CRAMP1: variants seen among roughly 807,000 people sequenced by gnomAD.
The protein encoded by CRAMP1 is protein cramped-like.
A neutral mutation model predicts 115.4 loss-of-function variants in CRAMP1; 50 were observed. The observed-to-expected ratio is 0.43, with a 90% confidence interval of 0.35 to 0.55. CRAMP1 has a LOEUF of 0.55. Ranked by LOEUF, CRAMP1 falls within the 20% of genes least tolerant of loss-of-function variation. CRAMP1 has a pLI of 0.01. For synonymous variants in CRAMP1, 866 were observed against 745.4 expected (o/e 1.16, Z -2.64); for missense variants, 1,679 against 1,721.7 (o/e 0.98, Z 0.44).
intron 6 of CRAMP1, among the ~76,000 whole-genome samples, chr16:1,642,771 C>G (rs145245093): frequency 6.6e-6 from 1 of 152,366 alleles, no homozygotes; most frequent in African/African-American, 2.4e-5. Context: ...GCAAATCTTA[C>G]TTCACCTTTT....
chr16:1,667,880 A>C, intron 17 of CRAMP1, 82 bp from the exon 18 acceptor site: 12 of 852,648 alleles, frequency 1.4e-5, no homozygotes, highest in Non-Finnish European at 2.3e-5. Context: ...CCTGCAAGCT[A>C]GGAGAGTAAG....
At position 1,656,669 on chromosome 16, in the gene CRAMP1, G is replaced by A. The variant is rs766097615; in HGVS notation, c.1912G>A (p.Glu638Lys). Residue 638 changes from glutamate (E) to lysine (K), a missense_variant, in exon 10 of 21, where the codon GAG becomes AAG. Physicochemically the swap from Glu to Lys is moderately conservative, Grantham distance 56. Around this residue, in one of 8 missense-constraint regions of CRAMP1, gnomAD observed 405 missense variants for 302.6 expected, o/e 1.34. Transcript: ENST00000397412. The surrounding 1 kb of genome is among the most constrained non-coding windows in gnomAD (Gnocchi z 5.6). The part of the protein sequence containing the change: ...CTKDLADAPA[E>K]ELQEKGSPAG... ...TAAAGACTTGGCAGATGCACCTGCG[G>A]AGGAGCTCCAGGAGAAGGGGAGCCC... 1.3e-6 allele frequency: 2 copies of A among 1,572,612 alleles called. No homozygotes were observed. The highest frequency in any genetic ancestry group is 2.3e-5 in the South Asian group (2 of 85,658).
intron 4 of CRAMP1, among the ~76,000 whole-genome samples, chr16:1,636,311 C>T (rs889354990): frequency 7.3e-5 from 11 of 151,358 alleles, no homozygotes; most frequent in African/African-American, 2.7e-4. Flanking sequence ...GCGGAGGTTG[C>T]AGTGAGCTGA....
At chr16:1,638,135 G>C (rs534369479) in intron 5 of CRAMP1, among the ~76,000 whole-genome samples, 1 of 152,102 alleles carries the variant, frequency 6.6e-6, no homozygotes, top group African/African-American at 2.4e-5. Flanking sequence ...ACATGCTCGC[G>C]TGCACACATG....
At chr16:1,646,349 C>T (rs1374241170) in intron 6 of CRAMP1, among the ~76,000 whole-genome samples, 1 of 152,134 alleles carries the variant, frequency 6.6e-6, no homozygotes, top group African/African-American at 2.4e-5. Context: ...GCAGTTGCTT[C>T]CCACACTCCC....
intron 6 of CRAMP1, among the ~76,000 whole-genome samples, chr16:1,647,730 CAG>C (rs1035209484): frequency 1.6e-5 from 2 of 124,606 alleles, no homozygotes; most frequent in Non-Finnish European, 3.2e-5. Flanking sequence ...GCCTGGGCGA[CAG>C]AGTGAGACTC....
intron 6 of CRAMP1, among the ~76,000 whole-genome samples, chr16:1,643,013 G>A (rs565493019): frequency 3.3e-5 from 5 of 152,362 alleles, no homozygotes; most frequent in African/African-American, 1.2e-4. Context: ...AGGGACTGGA[G>A]ACACTTGACA....
chr16:1,664,084 G>A (rs902417623), intron 13 of CRAMP1, among the ~76,000 whole-genome samples: 12 of 152,178 alleles, frequency 7.9e-5, no homozygotes, highest in African/African-American at 2.9e-4. Flanking sequence ...TCTCTCCGAC[G>A]CCAGTGTCCT....
rs544365641 is a variant in CRAMP1 at position 1,666,226 on chromosome 16, A to G, written c.2857+49A>G. ...CAGCCACTGAGTGAGCCTCTGAGGGATGTTTTTGTGACCAGGTTTTTTGAA... is the reference window on the plus strand; with the variant it reads ...CAGCCACTGAGTGAGCCTCTGAGGGGTGTTTTTGTGACCAGGTTTTTTGAA... On this transcript the variant is annotated intron_variant, in intron 15 of 20. Transcript: ENST00000397412. The surrounding 1 kb of genome is among the most constrained non-coding windows in gnomAD (Gnocchi z 5.0). The G allele has an allele frequency of 7.3e-7, 1 of 1,374,952 alleles. No individual in the cohort carries two copies. Among genetic ancestry groups the G allele is most frequent in the Non-Finnish European group, 1.0e-6 (1 of 981,514 alleles). The allele number at this position is 1,374,952 out of a possible 1,614,324, so 85.2% of individuals were successfully genotyped here.
chr16:1,642,026 G>A (rs1446719656), intron 6 of CRAMP1, among the ~76,000 whole-genome samples: 2 of 152,082 alleles, frequency 1.3e-5, no homozygotes, highest in South Asian at 2.1e-4. Context: ...CATCCATCCC[G>A]CCCACTGACC....
intron 14 of CRAMP1, 52 bp downstream of exon 14, chr16:1,665,190 G>T: frequency 8.3e-7 from 1 of 1,207,042 alleles, no homozygotes; most frequent in South Asian, 1.2e-5. Context: ...CTCACAGGAG[G>T]GCCTTGGCTT....
At position 1,666,334 on chromosome 16, in the gene CRAMP1, C is replaced by T. The variant is rs896064257; in HGVS notation, c.2858-88C>T. On this transcript the variant is annotated intron_variant, in intron 15 of 20. Coordinates refer to ENST00000397412, the MANE Select transcript of CRAMP1 (RefSeq NM_020825.4). The surrounding 1 kb of genome is among the most constrained non-coding windows in gnomAD (Gnocchi z 5.0). ...TTGGCTCTTGCATTGACATGAGGTGCGAGGGAGAAGCTGTTCCCCGAGCCC... is the reference window on the plus strand; with the variant it reads ...TTGGCTCTTGCATTGACATGAGGTGTGAGGGAGAAGCTGTTCCCCGAGCCC... 45 of 1,326,086 alleles carry T rather than the reference C, an allele frequency of 3.4e-5. No homozygotes were observed. In the Middle Eastern group the frequency reaches 9.0e-4, roughly 27 times the overall value. 82.1% of individuals were successfully genotyped at this position (1,326,086 alleles called of 1,614,324 possible). A position where few individuals can be genotyped will look rare whatever the true frequency, so the allele number is the denominator to read the frequency against.
Position 1,614,954 on chromosome 16 carries a change from C to T in CRAMP1, c.315C>T (p.Gly105=). 1 of 1,264,386 alleles carries T rather than the reference C, an allele frequency of 7.9e-7. No homozygotes were observed. 78.3% of individuals were successfully genotyped at this position (1,264,386 alleles called of 1,614,324 possible). The part of the protein sequence containing the change: ...RKDPPSAVGS[G]NAGGSGPRGK... ...ATCCTCCGAGCGCTGTGGGGAGCGGCAACGCCGGTGGCTCGGGGCCCCGCG... is the reference window on the plus strand; with the variant it reads ...ATCCTCCGAGCGCTGTGGGGAGCGGTAACGCCGGTGGCTCGGGGCCCCGCG... The change falls in exon 2 of 21, where the codon GGC becomes GGT. Residue 105 remains glycine (G), a synonymous_variant. Coordinates refer to ENST00000397412, the MANE Select transcript of CRAMP1 (RefSeq NM_020825.4). The surrounding 1 kb of genome is among the most constrained non-coding windows in gnomAD (Gnocchi z 4.4).
At chr16:1,648,187 C>G (rs1004136848) in intron 6 of CRAMP1, among the ~76,000 whole-genome samples, 1 of 151,954 alleles carries the variant, frequency 6.6e-6, no homozygotes, top group African/African-American at 2.4e-5. Context: ...ACACAGGTGC[C>G]ACATGACACA....
In CRAMP1 at chr16:1,677,876, A is replaced by T. The variant is rs1311992640; in HGVS notation, c.*3831A>T. 1 of 158,906 alleles carries T rather than the reference A, an allele frequency of 6.3e-6. No individual in the cohort carries two copies. The highest frequency in any genetic ancestry group is 2.4e-5 in the African/African-American group (1 of 41,740). 9.8% of individuals were successfully genotyped at this position (158,906 alleles called of 1,614,324 possible). A position where few individuals can be genotyped will look rare whatever the true frequency, so the allele number is the denominator to read the frequency against. On this transcript the variant is annotated 3_prime_UTR_variant, in exon 21 of 21. Transcript: ENST00000397412. ...TCCAGTTCAACTTGTAAATGTTTTT[A>T]TTGTGCATAAATACATACTAATGTT...
At chr16:1,636,671 G>A (rs901468992) in intron 4 of CRAMP1, among the ~76,000 whole-genome samples, 1 of 152,248 alleles carries the variant, frequency 6.6e-6, no homozygotes, top group African/African-American at 2.4e-5. Context: ...TTGTCACTTG[G>A]TTTCCCTAGC....
At chr16:1,617,802 TC>T (rs2036433484) in intron 2 of CRAMP1, among the ~76,000 whole-genome samples, 1 of 152,246 alleles carries the variant, frequency 6.6e-6, no homozygotes, top group East Asian at 1.9e-4. Flanking sequence ...TGCTTTTTTT[TC>T]TAGTTCAGTT....
chr16:1,660,202 AG>A, intron 11 of CRAMP1, 139 bp downstream of exon 11: 3 of 694,650 alleles, frequency 4.3e-6, no homozygotes, highest in Non-Finnish European at 6.8e-6. Context: ...TCCAGATGAC[AG>A]GGTGAAGGTG....
chr16:1,641,087 C>T (rs2036628058), intron 5 of CRAMP1, 52 bp from the exon 6 acceptor site: 3 of 1,271,602 alleles, frequency 2.4e-6, no homozygotes, highest in East Asian at 2.3e-5. Context: ...TCTTCAGTGG[C>T]TTTGCTCCTA....
Sources: allele counts gnomAD v4.1 joint callset (sites outside exome capture counted in the v4.1 genomes callset), GRCh38; gene constraint gnomAD v4.1.1; regional missense constraint gnomAD v4.1.1; non-coding constraint Gnocchi (gnomAD v3.1); transcripts MANE v1.5; gene names NCBI Gene and HGNC (gene_info 2026-07-23, HGNC 2026-07-21).